RFC1: variants seen among roughly 807,000 people sequenced by gnomAD.
RFC1 encodes the protein replication factor C subunit 1, also known as A1 140 kDa subunit.
RFC1 carries 37 observed loss-of-function variants against 137.4 expected under a neutral mutation model. The observed-to-expected ratio is 0.27, with a 90% CI of 0.21 to 0.35. The LOEUF is 0.35. RFC1 is among the 10% of genes least tolerant of loss of function. The pLI, the probability that RFC1 is intolerant of heterozygous loss-of-function variation, is 1.00. For synonymous variants in RFC1, 429 were observed against 455.7 expected (o/e 0.94, Z 0.75); for missense variants, 1,205 against 1,358.5 (o/e 0.89, Z 1.78).
At chr4:39,357,183 G>A (rs1002252929) in intron 1 of RFC1, among the ~76,000 whole-genome samples, 8 of 152,080 alleles carry the variant, frequency 5.3e-5, no homozygotes. Context: ...GCACACTGAG[G>A]GAACAGAAAT....
chr4:39,326,980 A>G (rs1739803996), intron 5 of RFC1, among the ~76,000 whole-genome samples: 1 of 152,250 alleles, frequency 6.6e-6, no homozygotes. Flanking sequence ...GAGAATGATT[A>G]CATTGTTCTA....
At chr4:39,328,889 T>C (rs1739926173) in intron 4 of RFC1, among the ~76,000 whole-genome samples, 1 of 152,040 alleles carries the variant, frequency 6.6e-6, no homozygotes, top group Non-Finnish European at 1.5e-5. Context: ...TGGTGGTATT[T>C]GCAGAGGTAG....
intron 22 of RFC1, among the ~76,000 whole-genome samples, chr4:39,294,102 T>C (rs1413410938): frequency 6.6e-6 from 1 of 152,234 alleles, no homozygotes; most frequent in East Asian, 1.9e-4. Flanking sequence ...TGATGCCTTC[T>C]AAGATCTTGA....
At chr4:39,345,358 C>T (rs1740801406) in intron 3 of RFC1, 43 bp downstream of exon 3, 3 of 1,529,114 alleles carry the variant, frequency 2.0e-6, no homozygotes, top group Admixed American at 1.7e-5. Context: ...AAGGGATATA[C>T]AATAACTTTA....
At chr4:39,311,373 AC>A in intron 12 of RFC1, 71 bp downstream of exon 12, 1 of 1,258,658 alleles carries the variant, frequency 7.9e-7, no homozygotes. Context: ...GCCTGTATCC[AC>A]CCAAGACATA....
At chr4:39,312,125 A>T (rs1482242353) in intron 11 of RFC1, among the ~76,000 whole-genome samples, 1 of 152,204 alleles carries the variant, frequency 6.6e-6, no homozygotes, top group Non-Finnish European at 1.5e-5. Flanking sequence ...CTCTTATGAC[A>T]TACTTGCCAC....
chr4:39,360,514 A>G (rs1473567579), intron 1 of RFC1, among the ~76,000 whole-genome samples: 2 of 120,560 alleles, frequency 1.7e-5, no homozygotes, highest in East Asian at 4.4e-4. Context: ...TATACAAAAT[A>G]AAATTAAAAT....
chr4:39,349,373 AG>A (rs1741067904), intron 2 of RFC1, among the ~76,000 whole-genome samples: 1 of 152,194 alleles, frequency 6.6e-6, no homozygotes, highest in Non-Finnish European at 1.5e-5. Context: ...TAAGGTCGTA[AG>A]GGTGGGGCTC....
Position 39,323,427 on chromosome 4 carries a change from G to C in RFC1, c.643-10C>G. The C allele has an allele frequency of 6.2e-7, 1 of 1,613,392 alleles. No homozygotes were observed. The highest frequency in any genetic ancestry group is 8.5e-7 in the Non-Finnish European group (1 of 1,179,384). The stretch of plus-strand genomic sequence containing the variant: ...GCAACTGCCTCTCCAGCTGTAAAAT[G>C]TGTCAGCAAAGTGAGTTGAGTTGCT... On this transcript the variant is annotated splice_polypyrimidine_tract_variant and intron_variant, in intron 6 of 24. Coordinates refer to ENST00000349703, the MANE Select transcript of RFC1 (RefSeq NM_002913.5).
intron 4 of RFC1, among the ~76,000 whole-genome samples, chr4:39,329,126 A>AC (rs1289176306): frequency 1.0e-5 from 1 of 99,510 alleles, no homozygotes; most frequent in African/African-American, 3.2e-5. Flanking sequence ...TCAGTGACTC[A>AC]CAAAAAAAAA....
chr4:39,325,959 C>T (rs1369708571), intron 6 of RFC1, among the ~76,000 whole-genome samples: 2 of 152,154 alleles, frequency 1.3e-5, no homozygotes, highest in Admixed American at 1.3e-4. Flanking sequence ...GGTGTGGTGG[C>T]TCACACCTGT....
intron 14 of RFC1, 26 bp downstream of exon 14, chr4:39,306,566 C>T (rs975046143): frequency 9.1e-6 from 12 of 1,311,522 alleles, no homozygotes; most frequent in Non-Finnish European, 1.3e-5. Flanking sequence ...GTTATCTGTC[C>T]GACCACACTG....
chr4:39,304,907 C>T lies in RFC1; in HGVS notation c.2017G>A (p.Glu673Lys). ...CTCCGGGTGTCACTTGCATTCAGTTCCACGTAGCTGTATCCCAACTCCTAA... is the reference window on the plus strand; with the variant it reads ...CTCCGGGTGTCACTTGCATTCAGTTTCACGTAGCTGTATCCCAACTCCTAA... ...VCQELGYSYVELNASDTRSKS... is the reference protein window; with the variant it reads ...VCQELGYSYVKLNASDTRSKS... Residue 673 changes from glutamate (E) to lysine (K), a missense_variant, in exon 15 of 25, where the codon GAA becomes AAA. By Grantham distance (56) the Glu-to-Lys change is moderately conservative. Coordinates refer to ENST00000349703, the MANE Select transcript of RFC1 (RefSeq NM_002913.5). 6.2e-7 allele frequency: 1 copy of T among 1,611,328 alleles called. No individual in the cohort carries two copies. Among genetic ancestry groups the T allele is most frequent in the Non-Finnish European group, 8.5e-7 (1 of 1,177,538 alleles).
chr4:39,365,903 G>A (rs1741998946), intron 1 of RFC1, among the ~76,000 whole-genome samples: 1 of 152,166 alleles, frequency 6.6e-6, no homozygotes, highest in African/African-American at 2.4e-5. Context: ...TTCGGGCAAC[G>A]CCGAACAAGA....
At chr4:39,341,629 C>T (rs574332634) in intron 4 of RFC1, 62 of 456,224 alleles carry the variant, frequency 1.4e-4, no homozygotes, top group East Asian at 1.3e-3. Flanking sequence ...GGCCCTTTCA[C>T]GTACAGCATC....
intron 4 of RFC1, among the ~76,000 whole-genome samples, chr4:39,334,787 A>C (rs1578148660): frequency 6.6e-6 from 1 of 152,304 alleles, no homozygotes; most frequent in East Asian, 1.9e-4. Context: ...ATTTATTTTT[A>C]TTTATAGGCA....
intron 21 of RFC1, among the ~76,000 whole-genome samples, chr4:39,299,357 C>CGT (rs949121872): frequency 6.6e-6 from 1 of 152,040 alleles, no homozygotes; most frequent in African/African-American, 2.4e-5. Flanking sequence ...TCTGTATTTC[C>CGT]GTGTGTGTGT....
At chr4:39,302,166 T>C in intron 19 of RFC1, 112 bp downstream of exon 19, 2 of 681,308 alleles carry the variant, frequency 2.9e-6, no homozygotes, top group South Asian at 1.7e-5. Context: ...TATATATCCC[T>C]GGATTCCACA....
chr4:39,288,955 G>T, intron 24 of RFC1, 111 bp from the exon 25 acceptor site: 1 of 758,442 alleles, frequency 1.3e-6, no homozygotes. Context: ...TAAAAAAGAA[G>T]AGAGGCTGCA....
Sources: gnomAD v4.1 joint callset for allele counts (sites outside exome capture counted in the v4.1 genomes callset) on GRCh38, gnomAD v4.1.1 for gene constraint, MANE v1.5 for transcripts, NCBI Gene and HGNC (gene_info 2026-07-23, HGNC 2026-07-21) for gene names.